The following P3H2 variants were observed in gnomAD, a reference collection of about 807,000 sequenced individuals.
The protein encoded by P3H2 is leprecan-like 1.
Under a neutral mutation model 87.0 loss-of-function variants are expected in P3H2, and 80 were observed. The observed-to-expected ratio is 0.92, with a 90% CI of 0.77 to 1.11. P3H2 has a LOEUF of 1.11. Among genes scored for constraint, P3H2 ranks in the 50% least tolerant of loss-of-function variants. The pLI is 0.00. For missense variants in P3H2, 1,001 were observed against 923.9 expected, an observed-to-expected ratio of 1.08 and a Z score of -1.08; for synonymous variants, 367 against 359.3, an observed-to-expected ratio of 1.02 and a Z score of -0.24.
chr3:190,120,920 C>T, upstream of P3H2: 1 of 859,406 alleles, frequency 1.2e-6, no homozygotes, highest in Non-Finnish European at 1.7e-6. Flanking sequence ...TGGCCAGCCG[C>T]TCTTAAAGGG....
At chr3:190,117,279 T>C (rs540799061) in intron 1 of P3H2, among the ~76,000 whole-genome samples, 11 of 152,322 alleles carry the variant, frequency 7.2e-5, no homozygotes, top group Admixed American at 5.9e-4. Context: ...TGATTTTTCA[T>C]CCTTCTTCCC....
At chr3:190,078,066 G>T (rs1362854011) in intron 1 of P3H2, among the ~76,000 whole-genome samples, 1 of 152,190 alleles carries the variant, frequency 6.6e-6, no homozygotes, top group Non-Finnish European at 1.5e-5. Flanking sequence ...AGAGATGAAA[G>T]TATTGATGGG....
intron 1 of P3H2, among the ~76,000 whole-genome samples, chr3:190,006,845 G>T (rs950167857): frequency 2.6e-5 from 4 of 152,118 alleles, no homozygotes; most frequent in African/African-American, 9.7e-5. Context: ...TCATGTGGAA[G>T]GTTTCGATTC....
chr3:190,038,234 T>TA lies in P3H2; in HGVS notation c.481-42793dup, dbSNP rs140978961. On this transcript the variant is annotated intron_variant, in intron 1 of 14. Coordinates refer to ENST00000319332, the MANE Select transcript of P3H2 (RefSeq NM_018192.4). ...CTGGGGCACAGAGCAAGACTAGGTT[T>TA]AAAAAAAAAAAAAAAAAAAAAACTG... Among the ~76,000 whole-genome samples the TA allele has an allele frequency of 6.1e-4, 81 of 132,178 alleles. 1 individual carries two copies. In the South Asian group the frequency reaches 7.1e-3, roughly 12 times the overall value. The allele number at this position is 132,178 out of a possible 152,430, so 86.7% of individuals were successfully genotyped here. A position where few individuals can be genotyped will look rare whatever the true frequency, so the allele number is the denominator to read the frequency against.
At chr3:190,091,962 G>A (rs1727421863) in intron 1 of P3H2, among the ~76,000 whole-genome samples, 2 of 152,226 alleles carry the variant, frequency 1.3e-5, no homozygotes, top group African/African-American at 4.8e-5. Flanking sequence ...GCCATGCGCA[G>A]TGGCTCACGC....
At chr3:190,111,497 G>A (rs1316984475) in intron 1 of P3H2, among the ~76,000 whole-genome samples, 1 of 152,090 alleles carries the variant, frequency 6.6e-6, no homozygotes, top group Admixed American at 6.5e-5. Flanking sequence ...TGCAGCTGCA[G>A]AAAGATAGGG....
At chr3:190,004,129 C>G (rs992417100) in intron 1 of P3H2, among the ~76,000 whole-genome samples, 1 of 152,112 alleles carries the variant, frequency 6.6e-6, no homozygotes, top group Non-Finnish European at 1.5e-5. Flanking sequence ...TATTGGTGAG[C>G]ACAATCTAAC....
chr3:190,056,052 A>G (rs1311495437), intron 1 of P3H2, among the ~76,000 whole-genome samples: 2 of 152,152 alleles, frequency 1.3e-5, no homozygotes, highest in African/African-American at 2.4e-5. Context: ...GGGCTATGAC[A>G]TGATAAGATT....
chr3:189,974,151 T>A (rs1723274347), intron 9 of P3H2, 147 bp from the exon 10 acceptor site: 5 of 686,846 alleles, frequency 7.3e-6, no homozygotes, highest in Non-Finnish European at 1.3e-5. Flanking sequence ...ATAACTATTC[T>A]TTTAATTAAA....
intron 6 of P3H2, among the ~76,000 whole-genome samples, chr3:189,985,761 T>C (rs2108917722): frequency 6.6e-6 from 1 of 151,992 alleles, no homozygotes; most frequent in Non-Finnish European, 1.5e-5. Flanking sequence ...AGAGAAAAAA[T>C]GCTTAATACA....
At chr3:190,104,239 G>C (rs1711744573) in intron 1 of P3H2, among the ~76,000 whole-genome samples, 1 of 152,110 alleles carries the variant, frequency 6.6e-6, no homozygotes, top group Non-Finnish European at 1.5e-5. Flanking sequence ...AGGCATAGCA[G>C]AACAGAAATA....
At chr3:189,962,306 C>G (rs1722843776) in intron 14 of P3H2, among the ~76,000 whole-genome samples, 1 of 151,930 alleles carries the variant, frequency 6.6e-6, no homozygotes, top group Non-Finnish European at 1.5e-5. Context: ...TCCCGAGCAG[C>G]TGGGATTACA....
chr3:190,004,297 GAT>G (rs1397176528), intron 1 of P3H2, among the ~76,000 whole-genome samples: 1 of 152,232 alleles, frequency 6.6e-6, no homozygotes, highest in Admixed American at 6.5e-5. Context: ...CAAAAAGCTA[GAT>G]GAGCCCTTAC....
At chr3:190,056,865 C>T (rs1560382110) in intron 1 of P3H2, among the ~76,000 whole-genome samples, 1 of 152,248 alleles carries the variant, frequency 6.6e-6, no homozygotes, top group Non-Finnish European at 1.5e-5. Flanking sequence ...CCACACTCTA[C>T]TCAGACACTG....
Position 190,092,153 on chromosome 3 carries a change from A to G in P3H2, c.480+28099T>C, listed in dbSNP as rs147714409. ...GAGGCTGAGGTAGGAGAATGGCTTG[A>G]TCCCAGGAGGCAGAGATTGCAGTGA... On this transcript the variant is annotated intron_variant, in intron 1 of 14. Coordinates refer to ENST00000319332, the MANE Select transcript of P3H2 (RefSeq NM_018192.4). 5.8e-3 allele frequency among the ~76,000 whole-genome samples: 874 copies of G among 151,716 alleles called. 11 individuals are homozygous for G. The highest frequency in any genetic ancestry group is 0.02 in the African/African-American group (831 of 41,280).
At chr3:190,065,888 T>C (rs1488515090) in intron 1 of P3H2, among the ~76,000 whole-genome samples, 1 of 152,064 alleles carries the variant, frequency 6.6e-6, no homozygotes, top group Non-Finnish European at 1.5e-5. Context: ...ATCCCAGAGA[T>C]TTTCATAGCT....
Position 190,109,251 on chromosome 3 carries a change from C to G in P3H2, c.480+11001G>C, listed in dbSNP as rs550788621. On this transcript the variant is annotated intron_variant, in intron 1 of 14. Transcript: ENST00000319332. ...TCATTATCTCGTCATCCTTCTTCCT[C>G]TATTTCTGTATCAGTCTTTGGCTCC... Among the ~76,000 whole-genome samples, 7 of 152,314 alleles carry G rather than the reference C, an allele frequency of 4.6e-5. No individual in the cohort carries two copies. In the South Asian group the frequency reaches 1.2e-3, roughly 27 times the overall value.
chr3:190,034,165 T>C (rs969737994), intron 1 of P3H2, among the ~76,000 whole-genome samples: 2 of 152,174 alleles, frequency 1.3e-5, no homozygotes, highest in African/African-American at 4.8e-5. Flanking sequence ...ACCTCTTTTA[T>C]AAATAATCCT....
intron 1 of P3H2, among the ~76,000 whole-genome samples, chr3:190,037,690 TG>T (rs1042490740): frequency 1.3e-5 from 2 of 152,224 alleles, no homozygotes; most frequent in African/African-American, 4.8e-5. Flanking sequence ...AATGATTATA[TG>T]GTAAGACATT....
Sources: gnomAD v4.1 joint callset for allele counts (sites outside exome capture counted in the v4.1 genomes callset) on GRCh38, gnomAD v4.1.1 for gene constraint, MANE v1.5 for transcripts, NCBI Gene and HGNC (gene_info 2026-07-23, HGNC 2026-07-21) for gene names.